HCN1: variants seen among roughly 807,000 people sequenced by gnomAD.
HCN1 encodes the protein potassium/sodium hyperpolarization-activated cyclic nucleotide-gated channel 1.
A neutral mutation model predicts 78.9 loss-of-function variants in HCN1; 13 were observed. That is an observed-to-expected ratio of 0.16 (90% confidence interval 0.11 to 0.26). The LOEUF is 0.26. HCN1 is among the 10% of genes least tolerant of loss of function. The pLI, the probability that HCN1 is intolerant of heterozygous loss-of-function variation, is 1.00. For synonymous variants in HCN1, 552 were observed against 455.5 expected, an observed-to-expected ratio of 1.21 and a Z score of -2.70; for missense variants, 810 against 1,154.3, an observed-to-expected ratio of 0.70 and a Z score of 4.32.
intron 3 of HCN1, among the ~76,000 whole-genome samples, chr5:45,427,808 A>T (rs762888407): frequency 1.3e-4 from 20 of 152,206 alleles, no homozygotes; most frequent in Middle Eastern, 6.8e-3. Flanking sequence ...ATGTAGCATA[A>T]GAGTATTACA....
At chr5:45,681,281 G>C (rs1402127585) in intron 1 of HCN1, among the ~76,000 whole-genome samples, 2 of 152,102 alleles carry the variant, frequency 1.3e-5, no homozygotes, top group East Asian at 3.9e-4. Flanking sequence ...GCTGGGGATA[G>C]TTTTCCTGTA....
chr5:45,279,193 T>TTATCC (rs1296183124), intron 6 of HCN1, among the ~76,000 whole-genome samples: 6 of 152,156 alleles, frequency 3.9e-5, no homozygotes, highest in Admixed American at 3.3e-4. Flanking sequence ...GTCCAACAGG[T>TTATCC]TATCCAAACT....
intron 6 of HCN1, among the ~76,000 whole-genome samples, chr5:45,275,394 T>C (rs1027985036): frequency 6.6e-6 from 1 of 152,190 alleles, no homozygotes; most frequent in African/African-American, 2.4e-5. Context: ...TTGGCTCCAA[T>C]TGACAGAAGT....
chr5:45,664,540 A>G (rs1267540567), intron 1 of HCN1, among the ~76,000 whole-genome samples: 2 of 151,662 alleles, frequency 1.3e-5, no homozygotes, highest in Non-Finnish European at 2.9e-5. Flanking sequence ...AATTTTCACA[A>G]CCTACTCATC....
intron 5 of HCN1, among the ~76,000 whole-genome samples, chr5:45,352,213 A>C (rs1487096086): frequency 6.6e-6 from 1 of 152,322 alleles, no homozygotes; most frequent in South Asian, 2.1e-4. Flanking sequence ...TGATGAGTTC[A>C]TGTCCTTTGT....
At chr5:45,644,761 A>G (rs1745512377) in intron 2 of HCN1, 2 of 173,758 alleles carry the variant, frequency 1.2e-5, no homozygotes, top group South Asian at 3.7e-4. Flanking sequence ...AAACTTCAAT[A>G]TTAGAGGATA....
chr5:45,625,171 C>G (rs7720013), intron 2 of HCN1, among the ~76,000 whole-genome samples: 1 of 151,936 alleles, frequency 6.6e-6, no homozygotes, highest in African/African-American at 2.4e-5. Flanking sequence ...GGTATGGTGG[C>G]AGGCACCTGT....
At chr5:45,518,787 A>T (rs1309299351) in intron 2 of HCN1, among the ~76,000 whole-genome samples, 1 of 152,004 alleles carries the variant, frequency 6.6e-6, no homozygotes, top group Non-Finnish European at 1.5e-5. Context: ...AGGGAAGGGA[A>T]TCTTAGCATA....
chr5:45,349,516 C>G (rs765516568), intron 5 of HCN1, among the ~76,000 whole-genome samples: 1 of 152,000 alleles, frequency 6.6e-6, no homozygotes, highest in Non-Finnish European at 1.5e-5. Flanking sequence ...CAAGAAATAA[C>G]TAAAATCAGA....
rs532455274 is a variant in HCN1, at chr5:45,405,936, G to C, written c.1012-9226C>G. On this transcript the variant is annotated intron_variant, in intron 3 of 7. Coordinates refer to ENST00000303230, the MANE Select transcript of HCN1 (RefSeq NM_021072.4). ...TCAAGTTCTAAGTGTACTTTTTCTT[G>C]CTTCAAGAATGATGATAAAATACAA... Among the ~76,000 whole-genome samples the C allele has an allele frequency of 3.2e-4, 49 of 151,984 alleles. No individual in the cohort carries two copies. In the South Asian group the frequency reaches 9.5e-3, roughly 30 times the overall value.
chr5:45,393,331 C>T (rs183473152), intron 4 of HCN1, among the ~76,000 whole-genome samples: 1 of 151,944 alleles, frequency 6.6e-6, no homozygotes. Context: ...TTGGAGACAG[C>T]GACATAACTA....
chr5:45,305,493 C>T (rs1025273543), intron 5 of HCN1, among the ~76,000 whole-genome samples: 4 of 152,082 alleles, frequency 2.6e-5, no homozygotes, highest in African/African-American at 9.7e-5. Flanking sequence ...ACATGTGGTA[C>T]TTGGTGCATC....
rs73099476 is a variant in HCN1, at chr5:45,355,077, T to C, written c.1231-1831A>G. Among the ~76,000 whole-genome samples the C allele has an allele frequency of 5.4e-3, 822 of 152,152 alleles. 7 individuals carry two copies. The highest frequency in any genetic ancestry group is 0.018 in the African/African-American group (741 of 41,548). ...TATGAAGCTTAGGGTTGATTGAATCTAATTGTTTTTCCTCACACAAGTCAT... is the reference window on the plus strand; with the variant it reads ...TATGAAGCTTAGGGTTGATTGAATCCAATTGTTTTTCCTCACACAAGTCAT... On this transcript the variant is annotated intron_variant, in intron 4 of 7. Coordinates refer to ENST00000303230, the MANE Select transcript of HCN1 (RefSeq NM_021072.4).
At chr5:45,570,034 G>T (rs113105116) in intron 2 of HCN1, among the ~76,000 whole-genome samples, 1 of 152,006 alleles carries the variant, frequency 6.6e-6, no homozygotes, top group Non-Finnish European at 1.5e-5. Context: ...GTAGGTATTT[G>T]CCAGATTATC....
intron 6 of HCN1, among the ~76,000 whole-genome samples, chr5:45,290,033 C>T (rs1745339521): frequency 6.6e-6 from 1 of 151,916 alleles, no homozygotes; most frequent in South Asian, 2.1e-4. Flanking sequence ...TGGGAGGGAC[C>T]TGGTGGGAGA....
intron 2 of HCN1, among the ~76,000 whole-genome samples, chr5:45,476,260 T>A (rs1741512615): frequency 6.6e-6 from 1 of 152,090 alleles, no homozygotes; most frequent in African/African-American, 2.4e-5. Flanking sequence ...AGATACTTCA[T>A]CTGCTGGCAT....
At chr5:45,308,915 A>G (rs2111913128) in intron 5 of HCN1, among the ~76,000 whole-genome samples, 1 of 152,266 alleles carries the variant, frequency 6.6e-6, no homozygotes, top group South Asian at 2.1e-4. Flanking sequence ...TGTCAGCGGT[A>G]GTTTAATGGG....
intron 4 of HCN1, among the ~76,000 whole-genome samples, chr5:45,394,230 C>T: frequency 6.6e-6 from 1 of 152,108 alleles, no homozygotes; most frequent in East Asian, 1.9e-4. Context: ...AGGCTAGATA[C>T]ACTCTCCTCA....
At chr5:45,590,175 T>A (rs549792533) in intron 2 of HCN1, among the ~76,000 whole-genome samples, 34 of 152,300 alleles carry the variant, frequency 2.2e-4, no homozygotes, top group African/African-American at 7.7e-4. Flanking sequence ...GCTAGTTAAT[T>A]TCCAACCACT....
Sources: allele counts gnomAD v4.1 joint callset (sites outside exome capture counted in the v4.1 genomes callset), GRCh38; gene constraint gnomAD v4.1.1; transcripts MANE v1.5; gene names NCBI Gene and HGNC (gene_info 2026-07-23, HGNC 2026-07-21).